Variants in TTC28 observed in about 807,000 individuals in gnomAD.
TTC28 encodes tetratricopeptide repeat domain 28.
TTC28 carries 61 observed loss-of-function variants against 198.0 expected under a neutral mutation model. The observed-to-expected ratio is 0.31, with a 90% confidence interval of 0.25 to 0.38. The LOEUF (loss-of-function observed/expected upper bound fraction) is 0.38, where lower values mean the gene tolerates loss of function less well. Ranked by LOEUF, TTC28 falls within the 10% of genes least tolerant of loss-of-function variation. TTC28 has a pLI of 1.00. For synonymous variants in TTC28, 1,171 were observed against 1,297.8 expected (o/e 0.90, Z 2.10); for missense variants, 2,678 against 3,164.0 (o/e 0.85, Z 3.69).
intron 2 of TTC28, among the ~76,000 whole-genome samples, chr22:28,327,547 C>CA (rs2045551713): frequency 6.6e-6 from 1 of 152,122 alleles, no homozygotes; most frequent in South Asian, 2.1e-4. Context: ...GATCAGTTGA[C>CA]AAAAAGGTTG....
At chr22:28,575,539 T>C (rs2050132279) in intron 2 of TTC28, among the ~76,000 whole-genome samples, 1 of 151,864 alleles carries the variant, frequency 6.6e-6, no homozygotes, top group African/African-American at 2.4e-5. Flanking sequence ...TTTCTATTTC[T>C]GTGAAGAATG....
chr22:28,016,350 C>G (rs773107584), intron 13 of TTC28, among the ~76,000 whole-genome samples: 3 of 152,230 alleles, frequency 2.0e-5, no homozygotes, highest in Non-Finnish European at 4.4e-5. Context: ...CCAAATTGCT[C>G]TCCCGAGGAG....
chr22:28,355,904 C>A (rs554023294), intron 2 of TTC28, among the ~76,000 whole-genome samples: 16 of 152,316 alleles, frequency 1.1e-4, no homozygotes, highest in African/African-American at 3.4e-4. Context: ...GAGAAGATAG[C>A]CAAATATGGC....
intron 2 of TTC28, among the ~76,000 whole-genome samples, chr22:28,604,112 T>C (rs1371983217): frequency 1.3e-5 from 2 of 151,364 alleles, no homozygotes; most frequent in South Asian, 2.1e-4. Context: ...ACCCCATCTC[T>C]ACTAAAAATA....
chr22:28,543,996 G>A (rs931386715), intron 2 of TTC28, among the ~76,000 whole-genome samples: 4 of 152,270 alleles, frequency 2.6e-5, no homozygotes, highest in South Asian at 2.1e-4. Flanking sequence ...CAAGGTGGGT[G>A]GATCACCTGA....
At chr22:28,121,460 C>G (rs750623068) in intron 6 of TTC28, among the ~76,000 whole-genome samples, 1 of 152,170 alleles carries the variant, frequency 6.6e-6, no homozygotes, top group Admixed American at 6.5e-5. Flanking sequence ...CTTACAGCAA[C>G]GAGTGAGGAC....
chr22:28,384,362 A>T lies in TTC28; in HGVS notation c.382-77719T>A, dbSNP rs180698832. ...CTTGGCCACCCAAAAGACTGGGATT[A>T]CAGGCCTGAGCCATGGTACCTAAGC... On this transcript the variant is annotated intron_variant, in intron 2 of 22. Coordinates refer to ENST00000397906, the MANE Select transcript of TTC28 (RefSeq NM_001145418.2). Among the ~76,000 whole-genome samples, 699 of 152,294 alleles carry T rather than the reference A, an allele frequency of 4.6e-3. 5 individuals carry two copies. Among genetic ancestry groups the T allele is most frequent in the African/African-American group, 0.016 (655 of 41,580 alleles).
At position 28,567,342 on chromosome 22, in the gene TTC28, T is replaced by C. The variant is rs1013080818; in HGVS notation, c.381+62210A>G. On this transcript the variant is annotated intron_variant, in intron 2 of 22. Coordinates refer to ENST00000397906, the MANE Select transcript of TTC28 (RefSeq NM_001145418.2). ...GGGTCAAGGTTGCAGTGAGTCATGA[T>C]TGTGCCACTGCACTCTAGCCTGAGT... Among the ~76,000 whole-genome samples, 4 of 149,016 alleles carry C rather than the reference T, an allele frequency of 2.7e-5. No individual in the cohort carries two copies. In the South Asian group the frequency reaches 8.5e-4, roughly 32 times the overall value.
At chr22:28,377,693 G>GA (rs1169101725) in intron 2 of TTC28, among the ~76,000 whole-genome samples, 6 of 152,120 alleles carry the variant, frequency 3.9e-5, no homozygotes, top group African/African-American at 1.4e-4. Flanking sequence ...AAGCAAGTCT[G>GA]AAAAGGATCA....
intron 2 of TTC28, among the ~76,000 whole-genome samples, chr22:28,598,681 T>C (rs1244746629): frequency 6.6e-6 from 1 of 152,166 alleles, no homozygotes; most frequent in Non-Finnish European, 1.5e-5. Flanking sequence ...AAATGATTTA[T>C]AGATTATCCT....
intron 5 of TTC28, among the ~76,000 whole-genome samples, chr22:28,228,606 A>G (rs1928537178): frequency 6.6e-6 from 1 of 152,072 alleles, no homozygotes; most frequent in Non-Finnish European, 1.5e-5. Context: ...AGGCTGAGGC[A>G]GGAGAATCGC....
chr22:28,269,063 C>T (rs1931873393), intron 5 of TTC28, among the ~76,000 whole-genome samples: 1 of 152,134 alleles, frequency 6.6e-6, no homozygotes, highest in African/African-American at 2.4e-5. Flanking sequence ...CTTCTGGCAG[C>T]ACTGGGCCTT....
Position 28,615,222 on chromosome 22 carries a change from G to C in TTC28, c.381+14330C>G, listed in dbSNP as rs552931227. ...AAATGCTCATCATCACTGGCCATCA[G>C]AGAAATGCAAATCAAAACCACAATG... On this transcript the variant is annotated intron_variant, in intron 2 of 22. Transcript: ENST00000397906. Among the ~76,000 whole-genome samples, 7 of 152,352 alleles carry C rather than the reference G, an allele frequency of 4.6e-5. No individual in the cohort carries two copies. The South Asian group carries it at 1.4e-3, about 32-fold the overall frequency.
At chr22:28,534,572 CAAAGG>C (rs2145909928) in intron 2 of TTC28, among the ~76,000 whole-genome samples, 1 of 152,238 alleles carries the variant, frequency 6.6e-6, no homozygotes, top group Admixed American at 6.5e-5. Context: ...AGTATATACC[CAAAGG>C]ATTATAAATC....
At chr22:28,054,331 A>G (rs1333777950) in intron 12 of TTC28, among the ~76,000 whole-genome samples, 1 of 152,214 alleles carries the variant, frequency 6.6e-6, no homozygotes, top group African/African-American at 2.4e-5. Context: ...GGCAGTGCCA[A>G]TGGTCCCTCC....
chr22:28,559,193 A>C (rs2049832239), intron 2 of TTC28, among the ~76,000 whole-genome samples: 1 of 152,182 alleles, frequency 6.6e-6, no homozygotes, highest in East Asian at 1.9e-4. Flanking sequence ...TATCTTATCC[A>C]TATGCTTAGA....
chr22:28,459,562 G>A (rs2146273370), intron 2 of TTC28, among the ~76,000 whole-genome samples: 1 of 152,266 alleles, frequency 6.6e-6, no homozygotes, highest in East Asian at 1.9e-4. Flanking sequence ...TCAGGTCAAA[G>A]CCACCCACAT....
At chr22:28,415,686 T>C (rs2047157814) in intron 2 of TTC28, among the ~76,000 whole-genome samples, 1 of 152,190 alleles carries the variant, frequency 6.6e-6, no homozygotes, top group African/African-American at 2.4e-5. Flanking sequence ...GGGTACATAA[T>C]GGATACACAG....
chr22:28,297,939 A>G (rs978317604), intron 3 of TTC28, 87 bp from the exon 4 acceptor site: 5 of 1,374,928 alleles, frequency 3.6e-6, no homozygotes, highest in Non-Finnish European at 4.9e-6. Flanking sequence ...CTAGAAATAA[A>G]TGTTTATCAT....
Sources: allele counts gnomAD v4.1 joint callset (sites outside exome capture counted in the v4.1 genomes callset), GRCh38; gene constraint gnomAD v4.1.1; transcripts MANE v1.5; gene names NCBI Gene and HGNC (gene_info 2026-07-23, HGNC 2026-07-21).